PGBD5: variants seen among roughly 807,000 people sequenced by gnomAD.
The protein encoded by PGBD5 is piggyBac transposable element-derived protein 5.
A neutral mutation model predicts 47.9 loss-of-function variants in PGBD5; 14 were observed. That is an observed-to-expected ratio of 0.29 (90% CI 0.19 to 0.46). The LOEUF (loss-of-function observed/expected upper bound fraction) is 0.46, where lower values mean the gene tolerates loss of function less well. Among genes scored for constraint, PGBD5 ranks in the 20% least tolerant of loss-of-function variants. The pLI is 1.00. For missense variants in PGBD5, 635 were observed against 716.0 expected (o/e 0.89, Z 1.29); for synonymous variants, 316 against 306.3 (o/e 1.03, Z -0.33).
chr1:230,409,708 G>A (rs906280119), intron 1 of PGBD5, among the ~76,000 whole-genome samples: 7 of 152,158 alleles, frequency 4.6e-5, no homozygotes, highest in African/African-American at 1.7e-4. Flanking sequence ...TCTTTATGGG[G>A]TGATGGAAAT....
chr1:230,422,787 G>A lies in PGBD5; in HGVS notation c.331+2811C>T, dbSNP rs148651122. Among the ~76,000 whole-genome samples, 6 of 152,178 alleles carry A rather than the reference G, an allele frequency of 3.9e-5. No individual in the cohort carries two copies. The East Asian group carries it at 7.7e-4, about 20-fold the overall frequency. On this transcript the variant is annotated intron_variant, in intron 1 of 6. Coordinates refer to ENST00000391860, the MANE Select transcript of PGBD5 (RefSeq NM_001258311.2). ...CAAGAACAGCCTGAAGAATGGCGAGGATTTCCCACCTTAACTACAGAAATG... is the reference window on the plus strand; with the variant it reads ...CAAGAACAGCCTGAAGAATGGCGAGAATTTCCCACCTTAACTACAGAAATG...
intron 3 of PGBD5, among the ~76,000 whole-genome samples, chr1:230,338,266 T>G (rs1392294954): frequency 6.6e-6 from 1 of 152,244 alleles, no homozygotes; most frequent in African/African-American, 2.4e-5. Flanking sequence ...GAGCTCATAG[T>G]TCTGTAGGCT....
At chr1:230,368,136 A>G in intron 1 of PGBD5, 1 of 1,367,848 alleles carries the variant, frequency 7.3e-7, no homozygotes, top group South Asian at 1.1e-5. Context: ...GGTGGTGGTG[A>G]GGAGGAGGCT....
intron 1 of PGBD5, among the ~76,000 whole-genome samples, chr1:230,360,013 A>G (rs1313515012): frequency 6.6e-6 from 1 of 152,148 alleles, no homozygotes; most frequent in Non-Finnish European, 1.5e-5. Flanking sequence ...AATGAAAATC[A>G]TTTTATTTCA....
intron 3 of PGBD5, among the ~76,000 whole-genome samples, chr1:230,350,211 G>A (rs766953686): frequency 1.1e-4 from 17 of 152,232 alleles, no homozygotes; most frequent in South Asian, 4.1e-4. Flanking sequence ...TGCGCAGCAC[G>A]CATGAAAAAC....
chr1:230,391,948 C>T (rs1220930863), intron 1 of PGBD5, among the ~76,000 whole-genome samples: 2 of 152,054 alleles, frequency 1.3e-5, no homozygotes. Flanking sequence ...AAAGGGAGCC[C>T]GACACAGGAG....
At chr1:230,420,152 G>A (rs1001903537) in intron 1 of PGBD5, among the ~76,000 whole-genome samples, 1 of 151,986 alleles carries the variant, frequency 6.6e-6, no homozygotes, top group African/African-American at 2.4e-5. Context: ...AACAAACTTA[G>A]GCCTCAACTA....
intron 2 of PGBD5, among the ~76,000 whole-genome samples, chr1:230,353,018 T>C (rs183852976): frequency 2.0e-5 from 3 of 152,334 alleles, no homozygotes; most frequent in Admixed American, 2.0e-4. Context: ...AATTTATATT[T>C]AATCACATGC....
chr1:230,345,138 G>A (rs1426656693), intron 3 of PGBD5, among the ~76,000 whole-genome samples: 3 of 152,100 alleles, frequency 2.0e-5, no homozygotes, highest in Non-Finnish European at 4.4e-5. Context: ...CTCCTCCAAA[G>A]AATCTTGGGG....
intron 1 of PGBD5, among the ~76,000 whole-genome samples, chr1:230,421,572 T>G (rs913545079): frequency 6.6e-6 from 1 of 152,090 alleles, no homozygotes; most frequent in Non-Finnish European, 1.5e-5. Flanking sequence ...TGCATGAAAA[T>G]GCAAGTGACA....
At chr1:230,363,385 C>T (rs1164956167) in intron 1 of PGBD5, among the ~76,000 whole-genome samples, 1 of 152,128 alleles carries the variant, frequency 6.6e-6, no homozygotes, top group Non-Finnish European at 1.5e-5. Context: ...AGTTCGAGAC[C>T]AGCCTGGCCA....
rs1189470076 is a variant in PGBD5, at chr1:230,350,955, C to T, written c.894+3G>A. ...CCCTCCCCGGGCTCAGCCCAGGGCT[C>T]ACCTGGATGATGAAGCCAGTGGAAG... On this transcript the variant is annotated splice_donor_region_variant and intron_variant, in intron 3 of 6. Coordinates refer to ENST00000391860, the MANE Select transcript of PGBD5 (RefSeq NM_001258311.2). 5 of 1,613,740 alleles carry T rather than the reference C, an allele frequency of 3.1e-6. No individual in the cohort carries two copies. Among genetic ancestry groups the T allele is most frequent in the South Asian group, 1.1e-5 (1 of 91,018 alleles).
At chr1:230,326,218 G>A (rs923542662) in intron 5 of PGBD5, among the ~76,000 whole-genome samples, 2 of 152,240 alleles carry the variant, frequency 1.3e-5, no homozygotes, top group Non-Finnish European at 2.9e-5. Context: ...AGTAGTTTGA[G>A]ATTAGCCTGG....
chr1:230,397,143 A>G (rs933586860), intron 1 of PGBD5, among the ~76,000 whole-genome samples: 3 of 152,160 alleles, frequency 2.0e-5, no homozygotes, highest in African/African-American at 7.2e-5. Flanking sequence ...CCACCCGCAC[A>G]CGCGCCTGCA....
intron 3 of PGBD5, among the ~76,000 whole-genome samples, chr1:230,349,534 CAAAAAA>C (rs11446040): frequency 1.8e-4 from 15 of 83,666 alleles, no homozygotes; most frequent in African/African-American, 5.8e-4. Context: ...GACCCCGTCT[CAAAAAA>C]AAAAAAAAAA....
At position 230,315,953 on chromosome 1, in the gene PGBD5, CATAA is replaced by C. The variant is rs1666933473; in HGVS notation, c.*7468_*7471del. On this transcript the variant is annotated 3_prime_UTR_variant, in exon 7 of 7. Transcript: ENST00000391860. ...ACACATATATGTATGTGTATACATACATAAGTATATGTGTACACATATATGTATG... is the reference window on the plus strand; with the variant it reads ...ACACATATATGTATGTGTATACATACGTATATGTGTACACATATATGTATG... The C allele has an allele frequency of 2.0e-5, 2 of 98,464 alleles. 1 individual carries two copies. The highest frequency in any genetic ancestry group is 6.4e-5 in the African/African-American group (2 of 31,342). 6.1% of individuals were successfully genotyped at this position (98,464 alleles called of 1,614,324 possible). A position where few individuals can be genotyped will look rare whatever the true frequency, so the allele number is the denominator to read the frequency against.
At chr1:230,362,427 C>A (rs1203356990) in intron 1 of PGBD5, 4 of 1,311,726 alleles carry the variant, frequency 3.0e-6, no homozygotes, top group African/African-American at 1.5e-5. Flanking sequence ...TGTGTCAGAC[C>A]TGGACCGTGG....
In PGBD5 at chr1:230,328,980, T is replaced by C. The variant is rs555714596; in HGVS notation, c.1274-3565A>G. Among the ~76,000 whole-genome samples, 6 of 152,214 alleles carry C rather than the reference T, an allele frequency of 3.9e-5. No homozygotes were observed. The South Asian group carries it at 1.2e-3, about 32-fold the overall frequency. On this transcript the variant is annotated intron_variant, in intron 5 of 6. Transcript: ENST00000391860. ...GACAGTCTCACTCTGTTGCTCAGAC[T>C]GAAGTGCAGTGTCACGATCTTGGCT...
At chr1:230,351,318 T>C (rs893579532) in intron 2 of PGBD5, among the ~76,000 whole-genome samples, 38 of 152,220 alleles carry the variant, frequency 2.5e-4, no homozygotes, top group African/African-American at 8.7e-4. Context: ...ACATGCAAAA[T>C]AGCACCGGCC....
Sources: allele counts gnomAD v4.1 joint callset (sites outside exome capture counted in the v4.1 genomes callset), GRCh38; gene constraint gnomAD v4.1.1; transcripts MANE v1.5; gene names NCBI Gene and HGNC (gene_info 2026-07-23, HGNC 2026-07-21).